Variants in PCDH15 observed in about 807,000 individuals in gnomAD.
PCDH15 encodes the protein protocadherin related 15.
PCDH15 carries 129 observed loss-of-function variants against 178.5 expected under a neutral mutation model. That is an observed-to-expected ratio of 0.72 (90% CI 0.63 to 0.84). PCDH15 has a LOEUF of 0.84. Among genes scored for constraint, PCDH15 ranks in the 40% least tolerant of loss-of-function variants. The pLI, the probability that PCDH15 is intolerant of heterozygous loss-of-function variation, is 0.00. For missense variants in PCDH15, 2,230 were observed against 2,099.9 expected, an observed-to-expected ratio of 1.06 and a Z score of -1.21; for synonymous variants, 800 against 732.0, an observed-to-expected ratio of 1.09 and a Z score of -1.50.
At chr10:54,192,518 A>C (rs916736058) in intron 11 of PCDH15, among the ~76,000 whole-genome samples, 4 of 152,186 alleles carry the variant, frequency 2.6e-5, no homozygotes, top group African/African-American at 9.6e-5. Context: ...CTAGGATTCT[A>C]GGTTGCATAG....
chr10:54,877,140 C>T (rs1564594620), intron 3 of PCDH15, among the ~76,000 whole-genome samples: 2 of 152,094 alleles, frequency 1.3e-5, no homozygotes, highest in Admixed American at 1.3e-4. Context: ...TGATCATTAA[C>T]ATTTTTAACT....
chr10:53,888,350 G>GTACA (rs1564691537), intron 26 of PCDH15, among the ~76,000 whole-genome samples: 171 of 60,026 alleles, frequency 2.8e-3, no homozygotes, highest in South Asian at 0.01. Context: ...ATATATATAC[G>GTACA]TATATATACA....
At chr10:54,405,995 G>A (rs1341283999) in intron 3 of PCDH15, among the ~76,000 whole-genome samples, 1 of 151,904 alleles carries the variant, frequency 6.6e-6, no homozygotes, top group Non-Finnish European at 1.5e-5. Context: ...ACCCAAATCA[G>A]TCTTTTCAAA....
intron 2 of PCDH15, among the ~76,000 whole-genome samples, chr10:54,560,654 T>A (rs1253209119): frequency 6.6e-6 from 1 of 152,114 alleles, no homozygotes; most frequent in African/African-American, 2.4e-5. Context: ...TCAGCTGTAT[T>A]TTCATAAGTT....
At chr10:55,602,751 C>A (rs922184227) in intron 2 of PCDH15, among the ~76,000 whole-genome samples, 15 of 152,130 alleles carry the variant, frequency 9.9e-5, no homozygotes, top group Non-Finnish European at 2.1e-4. Flanking sequence ...TCACCATCAT[C>A]AAAGACCAAA....
intron 20 of PCDH15, among the ~76,000 whole-genome samples, chr10:54,017,109 C>T (rs1003002383): frequency 6.6e-6 from 1 of 152,018 alleles, no homozygotes; most frequent in African/African-American, 2.4e-5. Context: ...CTGCAACATC[C>T]GTCTCCCGGG....
At chr10:54,706,634 A>G (rs2095367608) in intron 1 of PCDH15, among the ~76,000 whole-genome samples, 4 of 151,798 alleles carry the variant, frequency 2.6e-5, no homozygotes, top group African/African-American at 9.7e-5. Context: ...ATTTTAATTT[A>G]TTTTTTCAAT....
At chr10:54,599,241 A>G (rs1385121089) in intron 2 of PCDH15, among the ~76,000 whole-genome samples, 1 of 152,166 alleles carries the variant, frequency 6.6e-6, no homozygotes, top group Admixed American at 6.6e-5. Context: ...GCATCATGCT[A>G]CCTGACTTCA....
intron 6 of PCDH15, among the ~76,000 whole-genome samples, chr10:54,334,966 A>C (rs1478450741): frequency 6.6e-6 from 1 of 151,872 alleles, no homozygotes. Flanking sequence ...TCTGTGTTTT[A>C]GTTCCAATAA....
At chr10:53,819,451 C>T (rs954948647) in intron 33 of PCDH15, among the ~76,000 whole-genome samples, 1 of 151,962 alleles carries the variant, frequency 6.6e-6, no homozygotes, top group Non-Finnish European at 1.5e-5. Context: ...AGAACTACTA[C>T]TTTACCTGTG....
chr10:55,495,139 C>G (rs909815867), intron 2 of PCDH15, among the ~76,000 whole-genome samples: 4 of 151,572 alleles, frequency 2.6e-5, no homozygotes, highest in African/African-American at 9.7e-5. Context: ...TGAGTTAAAA[C>G]CACAAAACTC....
chr10:54,174,469 A>G (rs1324378047), intron 13 of PCDH15, among the ~76,000 whole-genome samples: 1 of 152,002 alleles, frequency 6.6e-6, no homozygotes, highest in African/African-American at 2.4e-5. Flanking sequence ...CGGGAGGCGG[A>G]GCTTGCAGTG....
chr10:54,013,332 A>C (rs2092647665), intron 20 of PCDH15, among the ~76,000 whole-genome samples: 2 of 152,212 alleles, frequency 1.3e-5, no homozygotes, highest in South Asian at 4.1e-4. Flanking sequence ...CCCCATGGAC[A>C]GTAATAGACA....
At chr10:55,512,403 T>C (rs1840905936) in intron 2 of PCDH15, among the ~76,000 whole-genome samples, 1 of 152,106 alleles carries the variant, frequency 6.6e-6, no homozygotes, top group East Asian at 1.9e-4. Flanking sequence ...TTCCACACAG[T>C]GTTTTTAGCT....
chr10:53,878,223 T>TATATATATATATATATTCTAC (rs1360186874), intron 26 of PCDH15, among the ~76,000 whole-genome samples: 1,928 of 21,790 alleles, frequency 0.088, 64 homozygotes, highest in African/African-American at 0.16. Context: ...TGAATATATA[T>TATATATATATATATATTCTAC]ATATATATAT....
chr10:55,302,955 C>T (rs1843323227), intron 1 of PCDH15, among the ~76,000 whole-genome samples: 1 of 152,098 alleles, frequency 6.6e-6, no homozygotes, highest in Non-Finnish European at 1.5e-5. Flanking sequence ...GTGATCTTCA[C>T]TTATCTCCTT....
intron 18 of PCDH15, among the ~76,000 whole-genome samples, chr10:54,023,667 TTA>T (rs964464716): frequency 1.3e-4 from 19 of 142,720 alleles, no homozygotes; most frequent in African/African-American, 4.0e-4. Flanking sequence ...TAATATTTTA[TTA>T]TGTTATGCTG....
chr10:55,177,109 T>G (rs1471315001), intron 1 of PCDH15, among the ~76,000 whole-genome samples: 1 of 152,172 alleles, frequency 6.6e-6, no homozygotes, highest in East Asian at 1.9e-4. Flanking sequence ...TACTTAGGTT[T>G]AGTCTTGTCA....
intron 2 of PCDH15, among the ~76,000 whole-genome samples, chr10:55,030,441 T>A (rs1840581859): frequency 6.6e-6 from 1 of 152,180 alleles, no homozygotes; most frequent in Admixed American, 6.6e-5. Flanking sequence ...TAAAATGAGC[T>A]GCAAAAGATT....
Sources: allele counts gnomAD v4.1 joint callset (sites outside exome capture counted in the v4.1 genomes callset), GRCh38; gene constraint gnomAD v4.1.1; transcripts MANE v1.5; gene names NCBI Gene and HGNC (gene_info 2026-07-23, HGNC 2026-07-21).